NBEA: variants seen among roughly 807,000 people sequenced by gnomAD.
NBEA encodes neurobeachin, also known as lysosomal-trafficking regulator 2.
Under a neutral mutation model 343.4 loss-of-function variants are expected in NBEA, and 44 were observed. That is an observed-to-expected ratio of 0.13 (90% CI 0.10 to 0.16). The LOEUF is 0.16. Among genes scored for constraint, NBEA ranks in the 10% least tolerant of loss-of-function variants. The probability of loss-of-function intolerance (pLI) is 1.00; values close to 1 mark genes in which losing one functional copy is unlikely to be tolerated. For synonymous variants in NBEA, 1,175 were observed against 1,238.7 expected, an observed-to-expected ratio of 0.95 and a Z score of 1.08; for missense variants, 2,555 against 3,631.3, an observed-to-expected ratio of 0.70 and a Z score of 7.62.
intron 39 of NBEA, among the ~76,000 whole-genome samples, chr13:35,450,410 C>G (rs897631300): frequency 6.6e-6 from 1 of 152,122 alleles, no homozygotes; most frequent in African/African-American, 2.4e-5. Context: ...TTGCTTGAGC[C>G]TGGGAGGTCG....
intron 49 of NBEA, among the ~76,000 whole-genome samples, chr13:35,637,938 A>G (rs1454802051): frequency 6.6e-6 from 1 of 152,192 alleles, no homozygotes; most frequent in Non-Finnish European, 1.5e-5. Context: ...AACCTTAAAA[A>G]GGAAGGAAAT....
chr13:35,415,817 C>T (rs962837813), intron 38 of NBEA, among the ~76,000 whole-genome samples: 2 of 152,094 alleles, frequency 1.3e-5, no homozygotes, highest in African/African-American at 2.4e-5. Context: ...CTATAAATTA[C>T]CTTGGGCAGT....
chr13:35,655,155 A>G, intron 54 of NBEA, 145 bp downstream of exon 54: 1 of 628,706 alleles, frequency 1.6e-6, no homozygotes, highest in Non-Finnish European at 2.5e-6. Context: ...TCACATTGTA[A>G]GCAAAGTAAC....
intron 17 of NBEA, among the ~76,000 whole-genome samples, chr13:35,132,349 G>A (rs1282483434): frequency 2.0e-5 from 3 of 151,982 alleles, no homozygotes; most frequent in African/African-American, 7.3e-5. Flanking sequence ...TAGTGGAGAT[G>A]GGGTTTCACT....
chr13:35,378,269 C>A (rs2041846475), intron 38 of NBEA, among the ~76,000 whole-genome samples: 1 of 152,100 alleles, frequency 6.6e-6, no homozygotes, highest in African/African-American at 2.4e-5. Context: ...AGACAAACAC[C>A]CTGTCTGTGC....
intron 16 of NBEA, among the ~76,000 whole-genome samples, chr13:35,122,270 C>T (rs1275348806): frequency 6.6e-5 from 10 of 152,044 alleles, no homozygotes; most frequent in African/African-American, 2.2e-4. Context: ...CACATGCACA[C>T]GTATGTTTAT....
At chr13:35,567,041 C>T (rs768871260) in intron 45 of NBEA, 24 bp downstream of exon 45, 46 of 1,256,140 alleles carry the variant, frequency 3.7e-5, no homozygotes, top group Non-Finnish European at 5.3e-5. Context: ...ATATAGAAGT[C>T]AGCTTTCTTC....
intron 40 of NBEA, among the ~76,000 whole-genome samples, chr13:35,457,898 C>T (rs1566161928): frequency 2.0e-5 from 3 of 151,258 alleles, no homozygotes; most frequent in African/African-American, 4.8e-5. Flanking sequence ...TGAGCCACCG[C>T]GCCCAGCCGC....
intron 39 of NBEA, among the ~76,000 whole-genome samples, chr13:35,447,689 C>T (rs768865125): frequency 3.9e-5 from 6 of 152,046 alleles, no homozygotes; most frequent in Non-Finnish European, 8.8e-5. Context: ...TATGTCTATC[C>T]TACCCAGCTT....
At chr13:35,208,094 G>A (rs1381883544) in intron 31 of NBEA, among the ~76,000 whole-genome samples, 1 of 151,928 alleles carries the variant, frequency 6.6e-6, no homozygotes, top group Non-Finnish European at 1.5e-5. Context: ...GTGGCACGTA[G>A]CTGTAATCCC....
chr13:35,586,170 T>A (rs1255950908), intron 46 of NBEA, among the ~76,000 whole-genome samples: 2 of 152,212 alleles, frequency 1.3e-5, no homozygotes, highest in Non-Finnish European at 2.9e-5. Context: ...GCATCTCCTG[T>A]CTTCGAAAAT....
At chr13:35,396,227 C>T (rs1055710569) in intron 38 of NBEA, among the ~76,000 whole-genome samples, 2 of 151,968 alleles carry the variant, frequency 1.3e-5, no homozygotes, top group African/African-American at 4.8e-5. Flanking sequence ...TGATCTCTGC[C>T]TTCCAATTAG....
intron 41 of NBEA, among the ~76,000 whole-genome samples, chr13:35,525,122 C>T (rs915329495): frequency 2.6e-5 from 4 of 152,116 alleles, no homozygotes; most frequent in African/African-American, 9.7e-5. Flanking sequence ...TTGTTACTGT[C>T]AAAGGATATT....
chr13:35,092,350 C>T (rs1036961555), intron 10 of NBEA, among the ~76,000 whole-genome samples: 8 of 151,854 alleles, frequency 5.3e-5, no homozygotes, highest in East Asian at 1.9e-4. Context: ...AAGCATAATT[C>T]ACTAAAAAAG....
intron 1 of NBEA, among the ~76,000 whole-genome samples, chr13:34,995,777 G>A (rs2060919788): frequency 6.6e-6 from 1 of 152,172 alleles, no homozygotes; most frequent in Admixed American, 6.6e-5. Flanking sequence ...CTTCATATTA[G>A]TTTGGTCTGT....
intron 41 of NBEA, among the ~76,000 whole-genome samples, chr13:35,543,250 C>T (rs1051923726): frequency 6.6e-6 from 1 of 152,036 alleles, no homozygotes; most frequent in Non-Finnish European, 1.5e-5. Context: ...TTACTTATTG[C>T]TACAATAATA....
At chr13:34,955,040 A>G (rs942975685) in intron 1 of NBEA, among the ~76,000 whole-genome samples, 1 of 152,134 alleles carries the variant, frequency 6.6e-6, no homozygotes, top group Non-Finnish European at 1.5e-5. Context: ...TTTCACTTGC[A>G]TAGATGAGGA....
chr13:35,480,063 A>AG (rs1336573420), intron 41 of NBEA, among the ~76,000 whole-genome samples: 3 of 151,504 alleles, frequency 2.0e-5, no homozygotes, highest in Non-Finnish European at 2.9e-5. Context: ...GTTAGGAAAA[A>AG]AAAAAAAAAA....
chr13:35,009,605 A>T (rs768198905), intron 1 of NBEA, among the ~76,000 whole-genome samples: 2 of 152,170 alleles, frequency 1.3e-5, no homozygotes, highest in Non-Finnish European at 2.9e-5. Context: ...AGAGTGCTGT[A>T]CAAGTTTGGA....
Sources: gnomAD v4.1 joint callset for allele counts (sites outside exome capture counted in the v4.1 genomes callset) on GRCh38, gnomAD v4.1.1 for gene constraint, MANE v1.5 for transcripts, NCBI Gene and HGNC (gene_info 2026-07-23, HGNC 2026-07-21) for gene names.